Variants in POU6F2 observed in about 807,000 individuals in gnomAD.
The protein encoded by POU6F2 is POU class 6 homeobox 2, also known as POU domain, class 6, transcription factor 2.
POU6F2 carries 31 observed loss-of-function variants against 71.3 expected under a neutral mutation model. The ratio of observed to expected loss-of-function variants is 0.43; its 90% CI spans 0.33 to 0.59. The LOEUF (loss-of-function observed/expected upper bound fraction) is 0.59, where lower values mean the gene tolerates loss of function less well. Ranked by LOEUF, POU6F2 falls within the 20% of genes least tolerant of loss-of-function variation. POU6F2 has a pLI of 0.04. For missense variants in POU6F2, 783 were observed against 856.8 expected (o/e 0.91, Z 1.07); for synonymous variants, 347 against 355.7 (o/e 0.98, Z 0.27).
chr7:39,312,825 G>A (rs1405264278), intron 4 of POU6F2, among the ~76,000 whole-genome samples: 1 of 152,200 alleles, frequency 6.6e-6, no homozygotes, highest in Non-Finnish European at 1.5e-5. Flanking sequence ...TGGATCTGCT[G>A]GACAAAGGGT....
Position 39,464,632 on chromosome 7 carries a change from G to C in POU6F2, c.2109G>C (p.Pro703=). ...NTIKRLKQHE[P]ATAVPLEPLT... ...TTAAACGCTTAAAACAGCACGAGCC[G>C]GCCACGGCAGTCCCTTTGGAGCCCT... The change falls in exon 10 of 10, where the codon CCG becomes CCC. Residue 703 remains proline (P), a synonymous_variant. Coordinates refer to ENST00000518318, the MANE Select transcript of POU6F2 (RefSeq NM_001370959.1). This position sits in a 1 kb window ranked among gnomAD's most constrained non-coding sequence, Gnocchi z 4.1. The C allele has an allele frequency of 6.2e-7, 1 of 1,608,862 alleles. No individual in the cohort carries two copies. Among genetic ancestry groups the C allele is most frequent in the Non-Finnish European group, 8.5e-7 (1 of 1,177,656 alleles).
intron 1 of POU6F2, among the ~76,000 whole-genome samples, chr7:39,015,655 ATT>A (rs1789471127): frequency 4.5e-5 from 4 of 88,862 alleles, no homozygotes; most frequent in South Asian, 7.1e-4. Context: ...ATAGATATAT[ATT>A]ATATATAGAT....
intron 1 of POU6F2, among the ~76,000 whole-genome samples, chr7:39,071,628 A>G (rs1235131517): frequency 6.6e-6 from 1 of 150,956 alleles, no homozygotes; most frequent in African/African-American, 2.4e-5. Flanking sequence ...AGCCCAGGCA[A>G]CATGGTGAAA....
chr7:39,389,499 C>T (rs1010805718), intron 5 of POU6F2, among the ~76,000 whole-genome samples: 2 of 152,068 alleles, frequency 1.3e-5, no homozygotes, highest in Non-Finnish European at 2.9e-5. Flanking sequence ...GCCTTGATTG[C>T]AGTTGTGAAG....
Position 39,009,212 on chromosome 7 carries a change from G to C in POU6F2, c.105+31154G>C, listed in dbSNP as rs572805450. On this transcript the variant is annotated intron_variant, in intron 1 of 9. Transcript: ENST00000518318. Reference sequence around the variant, plus strand: ...CTTTTATTTCCTTGAGCAGTGGTTTGTAGTTCTCCTTGAAGAGGTCCTTCA... The same window carrying C: ...CTTTTATTTCCTTGAGCAGTGGTTTCTAGTTCTCCTTGAAGAGGTCCTTCA... 3.6e-3 allele frequency among the ~76,000 whole-genome samples: 539 copies of C among 151,772 alleles called. 2 individuals carry two copies. The highest frequency in any genetic ancestry group is 0.031 in the Middle Eastern group (9 of 294).
intron 2 of POU6F2, among the ~76,000 whole-genome samples, chr7:39,137,012 C>T (rs1236352471): frequency 7.3e-5 from 6 of 82,204 alleles, no homozygotes; most frequent in African/African-American, 2.7e-4. Context: ...GAGACCCTGT[C>T]AAAAAAAAAA....
At chr7:39,074,087 G>A (rs749185770) in intron 1 of POU6F2, among the ~76,000 whole-genome samples, 73 of 152,082 alleles carry the variant, frequency 4.8e-4, no homozygotes, top group Non-Finnish European at 9.6e-4. Flanking sequence ...GGTGGCTTAC[G>A]CCTGTAATCC....
chr7:39,235,087 G>C (rs763251982), intron 4 of POU6F2, among the ~76,000 whole-genome samples: 2 of 152,078 alleles, frequency 1.3e-5, no homozygotes, highest in Non-Finnish European at 2.9e-5. Flanking sequence ...AGGTGCTTTG[G>C]GGTCAGCCCC....
rs537300180 is a variant in POU6F2 at position 39,418,923 on chromosome 7, ATATATG to A, written c.1113+12189_1113+12194del. 4.0e-4 allele frequency among the ~76,000 whole-genome samples: 58 copies of A among 144,442 alleles called. No individual in the cohort carries two copies. The South Asian group carries it at 9.7e-3, about 24-fold the overall frequency. The allele number at this position is 144,442 out of a possible 152,430, so 94.8% of individuals were successfully genotyped here. On this transcript the variant is annotated intron_variant, in intron 6 of 9. Coordinates refer to ENST00000518318, the MANE Select transcript of POU6F2 (RefSeq NM_001370959.1). ...TGTGTGTGTGTGTATATATATATGT[ATATATG>A]TATATATGTGTATATATGTATATAT...
chr7:39,013,643 C>G (rs1789391499), intron 1 of POU6F2: 1 of 152,144 alleles, frequency 6.6e-6, no homozygotes, highest in South Asian at 2.1e-4. Context: ...ATAATATAAT[C>G]AATTGATTCC....
At chr7:39,212,943 A>T (rs1202542335) in intron 4 of POU6F2, among the ~76,000 whole-genome samples, 1 of 152,210 alleles carries the variant, frequency 6.6e-6, no homozygotes, top group Non-Finnish European at 1.5e-5. Flanking sequence ...CCTCGATGTG[A>T]GTGACAACAG....
rs967962299 is a variant in POU6F2, at chr7:39,407,855, C to A, written c.1113+1115C>A. ...CGGGTGTGGTATTGTCCCGTCAGAA[C>A]CCCGAGGGCTGAACGATGGAGCTTG... is the stretch of plus-strand genomic sequence containing the variant. On this transcript the variant is annotated intron_variant, in intron 6 of 9. Transcript: ENST00000518318. 3.3e-5 allele frequency among the ~76,000 whole-genome samples: 5 copies of A among 152,276 alleles called. No individual in the cohort carries two copies. In the South Asian group the frequency reaches 1.0e-3, roughly 32 times the overall value.
chr7:39,226,622 A>C (rs1293654496), intron 4 of POU6F2, among the ~76,000 whole-genome samples: 1 of 152,328 alleles, frequency 6.6e-6, no homozygotes, highest in East Asian at 1.9e-4. Context: ...GTTTGTTTCA[A>C]AAGTATGATT....
chr7:39,451,424 A>G (rs1788657111), intron 7 of POU6F2, 109 bp from the exon 8 acceptor site: 1 of 1,202,132 alleles, frequency 8.3e-7, no homozygotes, highest in Non-Finnish European at 1.1e-6. Context: ...TGAGAAGTAT[A>G]TATTCTTGGA....
intron 4 of POU6F2, among the ~76,000 whole-genome samples, chr7:39,234,863 T>C (rs1390759746): frequency 6.6e-6 from 1 of 152,234 alleles, no homozygotes; most frequent in East Asian, 1.9e-4. Flanking sequence ...ACTATCCAGA[T>C]AGGGCATCAA....
intron 1 of POU6F2, among the ~76,000 whole-genome samples, chr7:39,067,641 ATGTATT>A (rs2128717382): frequency 6.6e-6 from 1 of 152,260 alleles, no homozygotes; most frequent in South Asian, 2.1e-4. Flanking sequence ...AAAATCAAGT[ATGTATT>A]TATAGCCCAG....
chr7:39,104,469 A>C (rs1791635689), intron 2 of POU6F2, among the ~76,000 whole-genome samples: 1 of 152,186 alleles, frequency 6.6e-6, no homozygotes. Context: ...TGGCCAGAGT[A>C]GCTGTATGTG....
chr7:39,153,358 ATC>A (rs1792799160), intron 2 of POU6F2, among the ~76,000 whole-genome samples: 1 of 152,124 alleles, frequency 6.6e-6, no homozygotes, highest in African/African-American at 2.4e-5. Context: ...CATGCCTTGC[ATC>A]TCTCTACACC....
At chr7:39,162,790 C>A in intron 2 of POU6F2, among the ~76,000 whole-genome samples, 1 of 152,170 alleles carries the variant, frequency 6.6e-6, no homozygotes, top group East Asian at 1.9e-4. Flanking sequence ...ATTTCCCAGA[C>A]ATTTTAATAA....
Sources: allele counts gnomAD v4.1 joint callset (sites outside exome capture counted in the v4.1 genomes callset), GRCh38; gene constraint gnomAD v4.1.1; non-coding constraint Gnocchi (gnomAD v3.1); transcripts MANE v1.5; gene names NCBI Gene and HGNC (gene_info 2026-07-23, HGNC 2026-07-21).